PALM2AKAP2: variants seen among roughly 807,000 people sequenced by gnomAD.
PALM2AKAP2 encodes the protein PALM2 and AKAP2 fusion.
A neutral mutation model predicts 71.5 loss-of-function variants in PALM2AKAP2; 37 were observed. The ratio of observed to expected loss-of-function variants is 0.52; its 90% CI spans 0.40 to 0.68. The LOEUF (loss-of-function observed/expected upper bound fraction) is 0.68, where lower values mean the gene tolerates loss of function less well. Ranked by LOEUF, PALM2AKAP2 falls within the 30% of genes least tolerant of loss-of-function variation. PALM2AKAP2 has a pLI of 0.00. For missense variants in PALM2AKAP2, 1,224 were observed against 1,191.8 expected, an observed-to-expected ratio of 1.03 and a Z score of -0.40; for synonymous variants, 468 against 478.8, an observed-to-expected ratio of 0.98 and a Z score of 0.29.
chr9:109,690,863 C>T (rs1827872685), intron 1 of PALM2AKAP2, among the ~76,000 whole-genome samples: 1 of 152,116 alleles, frequency 6.6e-6, no homozygotes, highest in Non-Finnish European at 1.5e-5. Context: ...TGTTCTGTGA[C>T]AGCAATTCTG....
intron 3 of PALM2AKAP2, among the ~76,000 whole-genome samples, chr9:109,890,228 A>G (rs1309904719): frequency 6.6e-6 from 1 of 152,176 alleles, no homozygotes; most frequent in Admixed American, 6.5e-5. Context: ...CTTATTTGGT[A>G]CATCCATCAC....
At chr9:110,156,554 T>A in intron 3 of PALM2AKAP2, 57 bp downstream of exon 9, 1 of 1,513,424 alleles carries the variant, frequency 6.6e-7, no homozygotes, top group Non-Finnish European at 8.9e-7. Context: ...CGGTGTGGCG[T>A]GTGGCATTCC....
chr9:109,758,551 T>C (rs1481938079), intron 1 of PALM2AKAP2, among the ~76,000 whole-genome samples: 1 of 148,190 alleles, frequency 6.7e-6, no homozygotes, highest in South Asian at 2.1e-4. Flanking sequence ...TGTGTGTGTG[T>C]GTCAATGTAA....
rs1356196673 is a variant in PALM2AKAP2, at chr9:110,068,518, T to TTA, written c.156+19663_156+19664insTA. 1.4e-3 allele frequency among the ~76,000 whole-genome samples: 189 copies of TTA among 139,846 alleles called. 10 individuals are homozygous for TTA. Among genetic ancestry groups the TTA allele is most frequent in the Admixed American group, 3.2e-3 (46 of 14,266 alleles). 91.7% of individuals were successfully genotyped at this position (139,846 alleles called of 152,430 possible). A position where few individuals can be genotyped will look rare whatever the true frequency, so the allele number is the denominator to read the frequency against. On this transcript the variant is annotated intron_variant, in intron 1 of 3. Transcript: ENST00000374525. ...ACTGAGGGCAAAATTGGAGCTTTTT[T>TTA]AAAAAAAAAAAAAAATTTAATTTTT...
At chr9:109,958,074 G>C (rs1162661609) in intron 6 of PALM2AKAP2, among the ~76,000 whole-genome samples, 1 of 151,834 alleles carries the variant, frequency 6.6e-6, no homozygotes, top group Non-Finnish European at 1.5e-5. Flanking sequence ...ACCTTGCAAG[G>C]CTTCTGTTAG....
At chr9:110,044,253 C>T (rs778575349), upstream of PALM2AKAP2, among the ~76,000 whole-genome samples, 5 of 151,964 alleles carry the variant, frequency 3.3e-5, no homozygotes, top group Non-Finnish European at 7.4e-5. Context: ...GGTGGGAAAG[C>T]CCCAGGGACA....
intron 3 of PALM2AKAP2, among the ~76,000 whole-genome samples, chr9:110,160,839 T>A (rs914359): frequency 1.3e-5 from 2 of 152,130 alleles, no homozygotes; most frequent in African/African-American, 2.4e-5. Context: ...CAGTGTGCTC[T>A]CTCTCTCTTT....
At chr9:110,136,388 A>G (rs749367285) in exon 2 of PALM2AKAP2, 1 of 1,614,198 alleles carries the variant, frequency 6.2e-7, no homozygotes, top group African/African-American at 1.3e-5. Flanking sequence ...TGATGTTGCC[A>G]GAGAGATCCG....
At position 109,849,921 on chromosome 9, in the gene PALM2AKAP2, T is replaced by G. The variant is rs549856715; in HGVS notation, c.46-17570T>G. Among the ~76,000 whole-genome samples the G allele has an allele frequency of 3.9e-5, 6 of 152,284 alleles. No homozygotes were observed. In the South Asian group the frequency reaches 1.2e-3, roughly 32 times the overall value. On this transcript the variant is annotated intron_variant, in intron 1 of 9. Transcript: ENST00000302798. ...TTTATCAGATATTAGCACTGGTTCT[T>G]CAGTTTTCCCCCTGATCAGGAACTT...
rs1365943318 is a variant in PALM2AKAP2 at position 109,869,540 on chromosome 9, A to G, written c.126+1969A>G. On this transcript the variant is annotated intron_variant, in intron 2 of 9. Coordinates refer to the PALM2AKAP2 transcript ENST00000302798. ...TTTTTAGTAGAGATGGGGTTTCACC[A>G]TGTTAGCCAGGATAGTCTCGATCTC... Among the ~76,000 whole-genome samples, 12 of 149,322 alleles carry G rather than the reference A, an allele frequency of 8.0e-5. No individual in the cohort carries two copies. The South Asian group carries it at 2.4e-3, about 29-fold the overall frequency.
chr9:110,029,266 C>A (rs569558037), intron 7 of PALM2AKAP2, among the ~76,000 whole-genome samples: 1 of 152,272 alleles, frequency 6.6e-6, no homozygotes, highest in African/African-American at 2.4e-5. Flanking sequence ...AAGCCTTATT[C>A]TAGGATCTTC....
At chr9:109,780,087 G>A (rs1829411941), upstream of PALM2AKAP2, among the ~76,000 whole-genome samples, 1 of 151,154 alleles carries the variant, frequency 6.6e-6, no homozygotes, top group Admixed American at 6.6e-5. Flanking sequence ...GCTCGGAGCC[G>A]CCTTGGACCG....
chr9:109,846,176 C>T (rs1564177170), intron 1 of PALM2AKAP2, among the ~76,000 whole-genome samples: 1 of 152,044 alleles, frequency 6.6e-6, no homozygotes, highest in East Asian at 1.9e-4. Flanking sequence ...CTCTGTCCCC[C>T]GAGTTCTTCT....
At chr9:110,064,829 G>A (rs1299067758) in intron 1 of PALM2AKAP2, among the ~76,000 whole-genome samples, 1 of 152,192 alleles carries the variant, frequency 6.6e-6, no homozygotes, top group Non-Finnish European at 1.5e-5. Flanking sequence ...GGAAATGATG[G>A]ATGCCTGGAC....
intron 1 of PALM2AKAP2, among the ~76,000 whole-genome samples, chr9:109,860,033 G>T (rs1162989509): frequency 6.6e-6 from 1 of 152,176 alleles, no homozygotes; most frequent in Non-Finnish European, 1.5e-5. Flanking sequence ...TAGAAATCAG[G>T]ATTATGATTG....
chr9:110,136,831 G>A, exon 2 of PALM2AKAP2: 4 of 1,614,184 alleles, frequency 2.5e-6, no homozygotes, highest in Non-Finnish European at 3.4e-6. Flanking sequence ...AGGATGACGA[G>A]CATGAGAAAG....
intron 3 of PALM2AKAP2, among the ~76,000 whole-genome samples, chr9:110,158,586 T>C (rs974327052): frequency 6.6e-6 from 1 of 152,234 alleles, no homozygotes. Context: ...GCCAACCAGG[T>C]TGAGTTTTTC....
At chr9:109,709,060 C>G (rs561943442) in intron 1 of PALM2AKAP2, among the ~76,000 whole-genome samples, 7 of 152,292 alleles carry the variant, frequency 4.6e-5, no homozygotes, top group African/African-American at 1.7e-4. Flanking sequence ...AGGGGCTGAG[C>G]AGAGAGGCCT....
intron 6 of PALM2AKAP2, among the ~76,000 whole-genome samples, chr9:109,934,060 G>T (rs1831169203): frequency 6.6e-6 from 1 of 152,200 alleles, no homozygotes; most frequent in Admixed American, 6.5e-5. Flanking sequence ...CAAATATCCT[G>T]GTTGTTTGGC....
Sources: allele counts gnomAD v4.1 joint callset (sites outside exome capture counted in the v4.1 genomes callset), GRCh38; gene constraint gnomAD v4.1.1; transcripts MANE v1.5; gene names NCBI Gene and HGNC (gene_info 2026-07-23, HGNC 2026-07-21).